Variants in SPATA21 observed in about 807,000 individuals in gnomAD.
SPATA21 encodes the protein spermatogenesis associated 21, also known as spermatogenesis-associated protein 21.
SPATA21 carries 47 observed loss-of-function variants against 54.8 expected under a neutral mutation model. That is an observed-to-expected ratio of 0.86 (90% CI 0.68 to 1.09). The LOEUF is 1.09. SPATA21 is among the 50% of genes least tolerant of loss of function. The pLI, the probability that SPATA21 is intolerant of heterozygous loss-of-function variation, is 0.00. For missense variants in SPATA21, 599 were observed against 596.4 expected (o/e 1.00, Z -0.05); for synonymous variants, 245 against 235.3 (o/e 1.04, Z -0.38).
intron 1 of SPATA21, among the ~76,000 whole-genome samples, chr1:16,436,484 T>C (rs1299770859): frequency 6.6e-6 from 1 of 150,648 alleles, no homozygotes; most frequent in East Asian, 2.0e-4. Context: ...AACCTACTCA[T>C]GCAGGGCAAG....
chr1:16,405,050 C>T lies in SPATA21; in HGVS notation c.728G>A (p.Ser243Asn). The change falls in exon 8 of 13, where the codon AGC becomes AAC. Residue 243 changes from serine (S) to asparagine (N), a missense_variant. Transcript: ENST00000335496. ...FNGPGEVDAQSLKNILLLMGF... is the reference protein window; with the variant it reads ...FNGPGEVDAQNLKNILLLMGF... ...CATTAGGAGCAGGATATTCTTCAGG[C>T]TCTGTGCATCCACCTCACCAGGACC... is the stretch of plus-strand genomic sequence containing the variant. 6.2e-7 allele frequency: 1 copy of T among 1,610,280 alleles called. No homozygotes were observed. Among genetic ancestry groups the T allele is most frequent in the Non-Finnish European group, 8.5e-7 (1 of 1,178,766 alleles).
chr1:16,414,940 A>C (rs953601755), intron 5 of SPATA21, among the ~76,000 whole-genome samples: 44 of 150,222 alleles, frequency 2.9e-4, no homozygotes, highest in African/African-American at 1.1e-3. Flanking sequence ...CTGACAGCCT[A>C]GAAAAGAGAC....
At chr1:16,401,139 G>C (rs2085434596) in intron 10 of SPATA21, among the ~76,000 whole-genome samples, 1 of 152,206 alleles carries the variant, frequency 6.6e-6, no homozygotes, top group Non-Finnish European at 1.5e-5. Context: ...CAAGTGACTT[G>C]ACTTCTCTGA....
At chr1:16,411,812 A>C (rs2085858717) in intron 5 of SPATA21, among the ~76,000 whole-genome samples, 3 of 125,556 alleles carry the variant, frequency 2.4e-5, no homozygotes, top group Admixed American at 7.7e-5. Flanking sequence ...AAAAAAACAA[A>C]ACAAAACAAA....
chr1:16,402,246 A>ATTTTTTTT (rs780999908), intron 10 of SPATA21, among the ~76,000 whole-genome samples: 2 of 73,398 alleles, frequency 2.7e-5, no homozygotes, highest in Middle Eastern at 0.014. Context: ...CTGAGCTGCC[A>ATTTTTTTT]TTCTTTTTTT....
At chr1:16,408,246 G>A (rs537917313) in intron 7 of SPATA21, among the ~76,000 whole-genome samples, 3 of 152,162 alleles carry the variant, frequency 2.0e-5, no homozygotes, top group Non-Finnish European at 4.4e-5. Flanking sequence ...CCAGGGTGAT[G>A]GGGGAGTGGG....
chr1:16,419,086 A>C (rs2086098801), intron 5 of SPATA21, among the ~76,000 whole-genome samples: 1 of 152,196 alleles, frequency 6.6e-6, no homozygotes, highest in Non-Finnish European at 1.5e-5. Context: ...AAAGACAATA[A>C]AACAGGACAA....
At chr1:16,413,121 C>T (rs1419870283) in intron 5 of SPATA21, among the ~76,000 whole-genome samples, 1 of 148,636 alleles carries the variant, frequency 6.7e-6, no homozygotes, top group African/African-American at 2.5e-5. Flanking sequence ...GCTATGTTGC[C>T]CAGGCTGGTC....
chr1:16,415,993 C>T (rs917494280), intron 5 of SPATA21, among the ~76,000 whole-genome samples: 1 of 152,182 alleles, frequency 6.6e-6, no homozygotes, highest in African/African-American at 2.4e-5. Flanking sequence ...CTGGATTCCT[C>T]CTTCTGCCTT....
chr1:16,397,840 C>G (rs1488928222), downstream of SPATA21: 2 of 251,042 alleles, frequency 8.0e-6, no homozygotes, highest in African/African-American at 4.6e-5. The surrounding 1 kb of genome is among the most constrained non-coding windows in gnomAD (Gnocchi z 5.4). Context: ...ATACCCTGCT[C>G]TGCCCCATCT....
At chr1:16,411,378 G>T (rs1034121913) in intron 5 of SPATA21, among the ~76,000 whole-genome samples, 3 of 151,646 alleles carry the variant, frequency 2.0e-5, no homozygotes, top group Non-Finnish European at 4.4e-5. Flanking sequence ...GTAGAGACAG[G>T]GTCTTGTCTT....
intron 1 of SPATA21, among the ~76,000 whole-genome samples, chr1:16,435,163 C>CT (rs1355893773): frequency 2.0e-5 from 3 of 151,766 alleles, no homozygotes; most frequent in East Asian, 2.0e-4. Flanking sequence ...CCTTACTTGT[C>CT]TTTTTTATCA....
chr1:16,404,930 C>G, intron 8 of SPATA21, 37 bp downstream of exon 8: 4 of 1,524,564 alleles, frequency 2.6e-6, no homozygotes, highest in Non-Finnish European at 3.5e-6. Context: ...GAAGCAGGCC[C>G]TGCCTGGGAT....
chr1:16,427,080 TG>T (rs1303478837), intron 3 of SPATA21, among the ~76,000 whole-genome samples: 2 of 152,176 alleles, frequency 1.3e-5, no homozygotes, highest in Admixed American at 1.3e-4. Context: ...AATGTGACAG[TG>T]AAAGTCTTTG....
At chr1:16,424,010 G>A (rs2086246956) in intron 3 of SPATA21, among the ~76,000 whole-genome samples, 1 of 151,742 alleles carries the variant, frequency 6.6e-6, no homozygotes, top group Admixed American at 6.6e-5. Context: ...AAGGGCATGA[G>A]GAAATGGTTG....
At chr1:16,408,878 A>G (rs949632681) in intron 7 of SPATA21, among the ~76,000 whole-genome samples, 1 of 142,076 alleles carries the variant, frequency 7.0e-6, no homozygotes, top group African/African-American at 2.7e-5. Flanking sequence ...TCAAAAAAAA[A>G]AAAAAAAAAA....
chr1:16,430,381 C>T (rs1408934878), intron 3 of SPATA21, among the ~76,000 whole-genome samples: 3 of 152,092 alleles, frequency 2.0e-5, no homozygotes, highest in Non-Finnish European at 2.9e-5. Context: ...TGCAGTGAGT[C>T]GTGATCGCAC....
chr1:16,403,483 C>CTTTTTT (rs1229942098), intron 10 of SPATA21, among the ~76,000 whole-genome samples: 5 of 117,118 alleles, frequency 4.3e-5, no homozygotes, highest in Non-Finnish European at 3.8e-5. Context: ...TAGTTTTTTT[C>CTTTTTT]TTTTTTTTCT....
At chr1:16,400,939 AC>A in intron 10 of SPATA21, 47 bp from the exon 11 acceptor site, 1 of 1,580,860 alleles carries the variant, frequency 6.3e-7, no homozygotes, top group Non-Finnish European at 8.6e-7. Context: ...TGTTTAATTC[AC>A]CCTTCTCCTC....
Sources: allele counts gnomAD v4.1 joint callset (sites outside exome capture counted in the v4.1 genomes callset), GRCh38; gene constraint gnomAD v4.1.1; non-coding constraint Gnocchi (gnomAD v3.1); transcripts MANE v1.5; gene names NCBI Gene and HGNC (gene_info 2026-07-23, HGNC 2026-07-21).